The following PLXNA4 variants were observed in gnomAD, a reference collection of about 807,000 sequenced individuals.
The protein encoded by PLXNA4 is plexin A4.
Under a neutral mutation model 191.8 loss-of-function variants are expected in PLXNA4, and 44 were observed. That is an observed-to-expected ratio of 0.23 (90% confidence interval 0.18 to 0.29). PLXNA4 has a LOEUF of 0.29. Among genes scored for constraint, PLXNA4 ranks in the 10% least tolerant of loss-of-function variants. The probability of loss-of-function intolerance (pLI) is 1.00; values close to 1 mark genes in which losing one functional copy is unlikely to be tolerated. For synonymous variants in PLXNA4, 1,082 were observed against 1,009.5 expected (o/e 1.07, Z -1.36); for missense variants, 1,800 against 2,488.8 (o/e 0.72, Z 5.89).
intron 2 of PLXNA4, among the ~76,000 whole-genome samples, chr7:132,589,347 AT>A (rs1802563808): frequency 6.6e-6 from 1 of 152,154 alleles, no homozygotes; most frequent in African/African-American, 2.4e-5. Flanking sequence ...ATAACTATAT[AT>A]TTTTATTAAT....
At chr7:132,221,455 C>A (rs989868111) in intron 9 of PLXNA4, among the ~76,000 whole-genome samples, 1 of 152,148 alleles carries the variant, frequency 6.6e-6, no homozygotes, top group South Asian at 2.1e-4. Flanking sequence ...AGGTTTCAGA[C>A]CAGAACAAGA....
intron 3 of PLXNA4, among the ~76,000 whole-genome samples, chr7:132,465,764 A>G (rs1796677490): frequency 6.6e-6 from 1 of 152,172 alleles, no homozygotes; most frequent in Admixed American, 6.5e-5. Context: ...GGAGACAGGA[A>G]GCAGGTTTGG....
At chr7:132,423,390 TC>T (rs1227749649) in intron 3 of PLXNA4, among the ~76,000 whole-genome samples, 1 of 152,168 alleles carries the variant, frequency 6.6e-6, no homozygotes, top group Admixed American at 6.6e-5. Context: ...CCCTGTTCTG[TC>T]CTCCCTCAGG....
In PLXNA4 at chr7:132,125,178, A is replaced by T. The variant is rs1794735644; in HGVS notation, c.*5301T>A. 1 of 152,042 alleles carries T rather than the reference A, an allele frequency of 6.6e-6. No individual in the cohort carries two copies. The highest frequency in any genetic ancestry group is 2.1e-4 in the South Asian group (1 of 4,822). The allele number at this position is 152,042 out of a possible 1,614,324, so 9.4% of individuals were successfully genotyped here. ...TGAGGAGAGGTTTGCAGAGTGTCCC[A>T]GCCTCATTCGGGAGCTGTGTCAGTG... On this transcript the variant is annotated 3_prime_UTR_variant, in exon 32 of 32. Transcript: ENST00000321063.
At chr7:132,377,930 C>T (rs1055167875) in intron 3 of PLXNA4, among the ~76,000 whole-genome samples, 1 of 152,098 alleles carries the variant, frequency 6.6e-6, no homozygotes, top group African/African-American at 2.4e-5. Flanking sequence ...AGGCCGCGAG[C>T]TGAAACTGTG....
At chr7:132,639,253 C>A in intron 2 of PLXNA4, among the ~76,000 whole-genome samples, 1 of 152,208 alleles carries the variant, frequency 6.6e-6, no homozygotes, top group East Asian at 1.9e-4. Context: ...ATAACTCTTC[C>A]AGTCCTTAGG....
At chr7:132,191,740 A>T (rs1308984255) in intron 14 of PLXNA4, among the ~76,000 whole-genome samples, 1 of 137,330 alleles carries the variant, frequency 7.3e-6, no homozygotes, top group African/African-American at 2.9e-5. Flanking sequence ...AATTTTAGCA[A>T]ATACCTGGCG....
chr7:132,180,656 C>T lies in PLXNA4; in HGVS notation c.3569G>A (p.Cys1190Tyr). The T allele has an allele frequency of 6.2e-7, 1 of 1,614,208 alleles. No homozygotes were observed. ...CTGGACATCTGACACGGTCACGGTG[C>T]ACGGCTTCTCCCCAACCAGCACAGT... ...NYTVLVGEKPCTVTVSDVQLL... is the reference protein window; with the variant it reads ...NYTVLVGEKPYTVTVSDVQLL... The change falls in exon 19 of 32, where the codon TGC (cysteine) becomes TAC (tyrosine). Residue 1190 changes from cysteine (C) to tyrosine (Y), a missense_variant. Coordinates refer to ENST00000321063, the MANE Select transcript of PLXNA4 (RefSeq NM_020911.2).
At chr7:132,240,992 A>G in intron 5 of PLXNA4, 74 bp downstream of exon 5, 1 of 1,053,764 alleles carries the variant, frequency 9.5e-7, no homozygotes, top group East Asian at 2.6e-5. Flanking sequence ...AAGGGCAGTG[A>G]TGACAGAGAA....
At chr7:132,339,223 C>T (rs551906436) in intron 3 of PLXNA4, among the ~76,000 whole-genome samples, 2 of 152,174 alleles carry the variant, frequency 1.3e-5, no homozygotes, top group Non-Finnish European at 2.9e-5. Flanking sequence ...ATCACAGAAC[C>T]TTTGAGCCAG....
intron 2 of PLXNA4, among the ~76,000 whole-genome samples, chr7:132,590,561 T>C (rs1008663177): frequency 1.3e-5 from 2 of 152,136 alleles, no homozygotes; most frequent in African/African-American, 4.8e-5. Flanking sequence ...TGGAGTCTGA[T>C]GTTTGAGGGC....
intron 2 of PLXNA4, among the ~76,000 whole-genome samples, chr7:132,638,513 G>T (rs1283568633): frequency 6.6e-6 from 1 of 152,024 alleles, no homozygotes; most frequent in East Asian, 1.9e-4. Context: ...TTAACTGGGC[G>T]TGATGGTGTG....
At chr7:132,377,422 G>GAAAAA (rs10596289) in intron 3 of PLXNA4, among the ~76,000 whole-genome samples, 8 of 86,526 alleles carry the variant, frequency 9.2e-5, no homozygotes, top group Non-Finnish European at 1.5e-4. Context: ...AAATGAAAAA[G>GAAAAA]AAAAAAAAAA....
At chr7:132,189,434 CT>C (rs1380762799) in intron 14 of PLXNA4, among the ~76,000 whole-genome samples, 1 of 152,090 alleles carries the variant, frequency 6.6e-6, no homozygotes, top group Admixed American at 6.5e-5. Context: ...GCATGGAGAC[CT>C]TTAGGAACAG....
chr7:132,466,805 T>G (rs1796724182), intron 3 of PLXNA4, among the ~76,000 whole-genome samples: 1 of 152,232 alleles, frequency 6.6e-6, no homozygotes, highest in Non-Finnish European at 1.5e-5. Flanking sequence ...TCTCCCCCTG[T>G]GTTCTTTTAG....
At chr7:132,393,453 T>C (rs1793605563) in intron 3 of PLXNA4, among the ~76,000 whole-genome samples, 2 of 152,102 alleles carry the variant, frequency 1.3e-5, no homozygotes, top group African/African-American at 4.8e-5. Context: ...GCCCCACATA[T>C]GAACCTGGAT....
intron 1 of PLXNA4, among the ~76,000 whole-genome samples, chr7:132,648,234 A>G (rs530164141): frequency 1.3e-5 from 2 of 152,200 alleles, no homozygotes; most frequent in Non-Finnish European, 1.5e-5. Flanking sequence ...CACATCGTGT[A>G]TGTCCTTCTA....
Position 132,300,253 on chromosome 7 carries a change from TA to T in PLXNA4, c.1372-2032del, listed in dbSNP as rs1296512167. ...TGACTCTGGAAGTCCATGCTTTTCC[TA>T]CCACCAGTTACATGAGAGTCCTTGC... On this transcript the variant is annotated intron_variant, in intron 3 of 31. Transcript: ENST00000321063. 7.9e-5 allele frequency among the ~76,000 whole-genome samples: 12 copies of T among 152,224 alleles called. No homozygotes were observed. The East Asian group carries it at 2.3e-3, about 29-fold the overall frequency.
At chr7:132,629,498 C>G (rs1803450538) in intron 2 of PLXNA4, among the ~76,000 whole-genome samples, 1 of 152,210 alleles carries the variant, frequency 6.6e-6, no homozygotes, top group Non-Finnish European at 1.5e-5. Flanking sequence ...CTCTGAGTTT[C>G]TGGAGTGAGG....
Sources: gnomAD v4.1 joint callset for allele counts (sites outside exome capture counted in the v4.1 genomes callset) on GRCh38, gnomAD v4.1.1 for gene constraint, MANE v1.5 for transcripts, NCBI Gene and HGNC (gene_info 2026-07-23, HGNC 2026-07-21) for gene names.